The following PAK5 variants were observed in gnomAD, a reference collection of about 807,000 sequenced individuals.
PAK5 encodes the protein serine/threonine-protein kinase PAK 5.
In PAK5, 16 loss-of-function variants were observed where a neutral mutation model predicts 65.9. The ratio of observed to expected loss-of-function variants is 0.24; its 90% confidence interval spans 0.16 to 0.37. The LOEUF (loss-of-function observed/expected upper bound fraction) is 0.37. Ranked by LOEUF, PAK5 falls within the 10% of genes least tolerant of loss-of-function variation. The pLI is 1.00. For synonymous variants in PAK5, 371 were observed against 354.9 expected, an observed-to-expected ratio of 1.05 and a Z score of -0.51; for missense variants, 785 against 903.9, an observed-to-expected ratio of 0.87 and a Z score of 1.69.
At chr20:9,621,507 T>G (rs1249416566) in intron 3 of PAK5, among the ~76,000 whole-genome samples, 3 of 149,476 alleles carry the variant, frequency 2.0e-5, no homozygotes, top group Non-Finnish European at 4.4e-5. Context: ...GAGAGAATAT[T>G]AATGGGCTGA....
At position 9,544,352 on chromosome 20, in the gene PAK5, G is replaced by A. The variant is rs773870823; in HGVS notation, c.1869+17C>T. The stretch of plus-strand genomic sequence containing the variant: ...CTGTCCCCAGTCCTGCCACGCCTAT[G>A]ACTGTGACCCCCTTACCTCTGTCCC... On this transcript the variant is annotated intron_variant, in intron 8 of 9. Coordinates refer to ENST00000353224, the MANE Select transcript of PAK5 (RefSeq NM_177990.4). 1.2e-6 allele frequency: 2 copies of A among 1,612,540 alleles called. No homozygotes were observed. The highest frequency in any genetic ancestry group is 1.7e-6 in the Non-Finnish European group (2 of 1,179,388).
intron 1 of PAK5, among the ~76,000 whole-genome samples, chr20:9,724,457 C>T (rs567614511): frequency 4.7e-4 from 71 of 152,228 alleles, no homozygotes; most frequent in African/African-American, 1.2e-3. Flanking sequence ...CTCACTTGTT[C>T]GTGGACATTA....
intron 2 of PAK5, among the ~76,000 whole-genome samples, chr20:9,662,800 T>C (rs1298651707): frequency 6.6e-6 from 1 of 152,144 alleles, no homozygotes; most frequent in Non-Finnish European, 1.5e-5. Context: ...AACAACACTA[T>C]GCTGTCAGCA....
intron 2 of PAK5, among the ~76,000 whole-genome samples, chr20:9,656,519 T>C (rs1415772167): frequency 6.6e-6 from 1 of 152,150 alleles, no homozygotes; most frequent in Non-Finnish European, 1.5e-5. Context: ...AGTAACTACT[T>C]CTGTATACCA....
At chr20:9,789,633 G>A (rs2049029004) in intron 1 of PAK5, among the ~76,000 whole-genome samples, 1 of 152,088 alleles carries the variant, frequency 6.6e-6, no homozygotes, top group Non-Finnish European at 1.5e-5. Flanking sequence ...ACACTTAATG[G>A]ACATTGCTGG....
intron 1 of PAK5, among the ~76,000 whole-genome samples, chr20:9,832,535 A>C (rs1420964245): frequency 6.6e-6 from 1 of 152,108 alleles, no homozygotes; most frequent in Non-Finnish European, 1.5e-5. Flanking sequence ...GGCCTCCCAA[A>C]GTGCTGGTGT....
At chr20:9,674,616 T>G (rs532884028) in intron 2 of PAK5, among the ~76,000 whole-genome samples, 1 of 152,298 alleles carries the variant, frequency 6.6e-6, no homozygotes, top group African/African-American at 2.4e-5. Context: ...TTTGGCAGGA[T>G]TCTTGCTGCC....
At position 9,742,000 on chromosome 20, in the gene PAK5, A is replaced by G. The variant is rs544349652; in HGVS notation, c.-161-30565T>C. 1.1e-4 allele frequency among the ~76,000 whole-genome samples: 17 copies of G among 152,274 alleles called. No individual in the cohort carries two copies. In the East Asian group the frequency reaches 3.3e-3, roughly 29 times the overall value. On this transcript the variant is annotated intron_variant, in intron 1 of 9. Coordinates refer to ENST00000353224, the MANE Select transcript of PAK5 (RefSeq NM_177990.4). ...ACTTTAAACCCTACCTTAGAAAGAT[A>G]AATGGAGGTTGGACGCTAACGGTGG...
intron 1 of PAK5, among the ~76,000 whole-genome samples, chr20:9,811,974 C>A: frequency 6.6e-6 from 1 of 152,144 alleles, no homozygotes; most frequent in Non-Finnish European, 1.5e-5. Flanking sequence ...TGAATTATAG[C>A]ACCTACATCA....
At position 9,580,501 on chromosome 20, in the gene PAK5, A is replaced by G. The variant is rs1161069257; in HGVS notation, c.634T>C (p.Tyr212His). The change falls in exon 4 of 10, where the codon TAC (tyrosine) becomes CAC (histidine). Residue 212 changes from tyrosine (Y) to histidine (H), a missense_variant. By Grantham distance (83) the Tyr-to-His change is moderately conservative. Coordinates refer to ENST00000353224, the MANE Select transcript of PAK5 (RefSeq NM_177990.4). ...TGATACTCCCACTTGAGGTCACTGTATTCACTTGGTTTGCTCAGTGAGTCC... is the reference window on the plus strand; with the variant it reads ...TGATACTCCCACTTGAGGTCACTGTGTTCACTTGGTTTGCTCAGTGAGTCC... ...HLDSLSKPSE[Y>H]SDLKWEYQRA... The G allele has an allele frequency of 6.2e-7, 1 of 1,614,160 alleles. No homozygotes were observed. Among genetic ancestry groups the G allele is most frequent in the Non-Finnish European group, 8.5e-7 (1 of 1,180,010 alleles).
intron 1 of PAK5, among the ~76,000 whole-genome samples, chr20:9,768,335 G>A (rs1285936219): frequency 3.3e-5 from 5 of 152,008 alleles, no homozygotes; most frequent in Non-Finnish European, 7.4e-5. Flanking sequence ...GATAGACACT[G>A]TAGACTATAG....
chr20:9,703,186 C>T (rs1049146137), intron 2 of PAK5, among the ~76,000 whole-genome samples: 4 of 152,170 alleles, frequency 2.6e-5, no homozygotes, highest in Non-Finnish European at 5.9e-5. Flanking sequence ...TGAAGAACCA[C>T]CCCAGAAAAC....
chr20:9,724,342 T>C (rs1244118911), intron 1 of PAK5, among the ~76,000 whole-genome samples: 1 of 152,200 alleles, frequency 6.6e-6, no homozygotes, highest in African/African-American at 2.4e-5. Flanking sequence ...CAGCTACTTA[T>C]TTGTCATCAG....
At chr20:9,545,287 T>C (rs887766973) in intron 7 of PAK5, among the ~76,000 whole-genome samples, 2 of 152,308 alleles carry the variant, frequency 1.3e-5, no homozygotes, top group South Asian at 4.1e-4. Flanking sequence ...TACTGCACCC[T>C]GGGTGTTAGG....
chr20:9,559,923 T>C (rs1229833572), intron 6 of PAK5, among the ~76,000 whole-genome samples: 2 of 152,204 alleles, frequency 1.3e-5, no homozygotes, highest in Admixed American at 1.3e-4. Context: ...CACGACCATT[T>C]TCACATGTGG....
intron 1 of PAK5, among the ~76,000 whole-genome samples, chr20:9,774,742 G>C (rs1720177166): frequency 6.6e-6 from 1 of 151,958 alleles, no homozygotes; most frequent in South Asian, 2.1e-4. Flanking sequence ...AGGAGATCGA[G>C]ACCATCCTGG....
At chr20:9,582,546 C>A (rs367699660) in intron 3 of PAK5, among the ~76,000 whole-genome samples, 1 of 152,254 alleles carries the variant, frequency 6.6e-6, no homozygotes, top group South Asian at 2.1e-4. Flanking sequence ...TGGGTGAGGT[C>A]ATATTTTCCA....
intron 1 of PAK5, among the ~76,000 whole-genome samples, chr20:9,801,791 C>T (rs1411652706): frequency 6.6e-6 from 1 of 152,040 alleles, no homozygotes; most frequent in Non-Finnish European, 1.5e-5. Context: ...GTTAAATTAT[C>T]TCAATCCCAA....
chr20:9,583,393 C>G (rs2046013795), intron 3 of PAK5, among the ~76,000 whole-genome samples: 1 of 152,224 alleles, frequency 6.6e-6, no homozygotes, highest in African/African-American at 2.4e-5. Flanking sequence ...TTAACTCACT[C>G]TACCATGAGA....
Sources: gnomAD v4.1 joint callset for allele counts (sites outside exome capture counted in the v4.1 genomes callset) on GRCh38, gnomAD v4.1.1 for gene constraint, MANE v1.5 for transcripts, NCBI Gene and HGNC (gene_info 2026-07-23, HGNC 2026-07-21) for gene names.